RNF180: variants seen among roughly 807,000 people sequenced by gnomAD.
The protein encoded by RNF180 is E3 ubiquitin-protein ligase RNF180.
In RNF180, 38 loss-of-function variants were observed where a neutral mutation model predicts 59.2. That is an observed-to-expected ratio of 0.64 (90% CI 0.50 to 0.84). The LOEUF (loss-of-function observed/expected upper bound fraction) is 0.84. RNF180 is among the 40% of genes least tolerant of loss of function. RNF180 has a pLI of 0.00. For synonymous variants in RNF180, 262 were observed against 240.3 expected (o/e 1.09, Z -0.84); for missense variants, 705 against 700.9 (o/e 1.01, Z -0.07).
At chr5:64,194,930 T>A (rs1293132206) in intron 1 of RNF180, among the ~76,000 whole-genome samples, 1 of 152,158 alleles carries the variant, frequency 6.6e-6, no homozygotes, top group African/African-American at 2.4e-5. Context: ...AATGAACAGA[T>A]CACAAGTATA....
chr5:64,200,444 A>G (rs1751685536), intron 1 of RNF180, among the ~76,000 whole-genome samples: 1 of 152,180 alleles, frequency 6.6e-6, no homozygotes, highest in South Asian at 2.1e-4. Context: ...GACAAGAGTG[A>G]GACCCTGTCT....
intron 1 of RNF180, among the ~76,000 whole-genome samples, chr5:64,168,387 G>T (rs754398279): frequency 7.2e-5 from 11 of 152,196 alleles, no homozygotes; most frequent in Non-Finnish European, 1.6e-4. Context: ...GACAGACATT[G>T]TTAGAATTTG....
intron 5 of RNF180, among the ~76,000 whole-genome samples, chr5:64,283,259 C>T (rs1737299428): frequency 6.6e-6 from 1 of 152,016 alleles, no homozygotes; most frequent in South Asian, 2.1e-4. Flanking sequence ...AATGCCTTAT[C>T]TTTTTTGATT....
intron 5 of RNF180, among the ~76,000 whole-genome samples, chr5:64,315,464 G>A (rs186437503): frequency 3.9e-5 from 6 of 152,114 alleles, no homozygotes; most frequent in African/African-American, 2.4e-5. Flanking sequence ...GCTTTTACTC[G>A]GCCAGCATGG....
At position 64,182,673 on chromosome 5, in the gene RNF180, T is replaced by TA. The variant is rs1750665828; in HGVS notation, c.-1+16721dup. Among the ~76,000 whole-genome samples the TA allele has an allele frequency of 4.6e-5, 7 of 152,322 alleles. No individual in the cohort carries two copies. In the South Asian group the frequency reaches 1.5e-3, roughly 32 times the overall value. ...GTCTCCAGAGGCATTTACTGCCAGA[T>TA]AGTAGTAAGTTTATACGAGAATAAG... is the stretch of plus-strand genomic sequence containing the variant. On this transcript the variant is annotated intron_variant, in intron 1 of 7. Coordinates refer to ENST00000389100, the MANE Select transcript of RNF180 (RefSeq NM_001113561.2).
intron 5 of RNF180, among the ~76,000 whole-genome samples, chr5:64,322,714 A>G (rs1449514224): frequency 1.3e-5 from 2 of 151,922 alleles, no homozygotes; most frequent in African/African-American, 4.8e-5. Flanking sequence ...ACTAGAGACC[A>G]TTATTCTAAG....
At chr5:64,312,833 G>A (rs1561254363) in intron 5 of RNF180, among the ~76,000 whole-genome samples, 1 of 152,076 alleles carries the variant, frequency 6.6e-6, no homozygotes, top group Non-Finnish European at 1.5e-5. Context: ...GCCGTGTTCA[G>A]TGAAACCTTA....
intron 7 of RNF180, among the ~76,000 whole-genome samples, chr5:64,360,700 C>G (rs1041808412): frequency 1.3e-5 from 2 of 151,686 alleles, no homozygotes; most frequent in Non-Finnish European, 2.9e-5. Flanking sequence ...ACATTTTACC[C>G]TATTCGTAAG....
intron 7 of RNF180, among the ~76,000 whole-genome samples, chr5:64,340,938 C>A (rs754635632): frequency 2.0e-5 from 3 of 152,022 alleles, no homozygotes; most frequent in Non-Finnish European, 4.4e-5. Flanking sequence ...CCTTTACCTC[C>A]TTCCCTCTCC....
intron 7 of RNF180, among the ~76,000 whole-genome samples, chr5:64,335,061 T>C (rs576908215): frequency 6.6e-6 from 1 of 152,316 alleles, no homozygotes; most frequent in South Asian, 2.1e-4. Context: ...ATTTGATAGG[T>C]AGAAAATGAT....
intron 2 of RNF180, among the ~76,000 whole-genome samples, chr5:64,206,637 T>C (rs1183335223): frequency 1.3e-5 from 2 of 152,212 alleles, no homozygotes; most frequent in African/African-American, 4.8e-5. Flanking sequence ...ATGGACTGAA[T>C]TGTATGCCCT....
intron 1 of RNF180, among the ~76,000 whole-genome samples, chr5:64,179,383 T>C (rs542669775): frequency 6.6e-6 from 1 of 152,312 alleles, no homozygotes; most frequent in South Asian, 2.1e-4. Context: ...TCCTAGAGGT[T>C]ACTATTCTAA....
At chr5:64,340,613 T>C (rs909506862) in intron 7 of RNF180, among the ~76,000 whole-genome samples, 4 of 152,196 alleles carry the variant, frequency 2.6e-5, no homozygotes, top group Non-Finnish European at 5.9e-5. Flanking sequence ...GCTGTAGACA[T>C]GGGACTGCCT....
intron 5 of RNF180, among the ~76,000 whole-genome samples, chr5:64,242,161 C>T (rs377673619): frequency 6.6e-5 from 10 of 152,322 alleles, no homozygotes; most frequent in East Asian, 5.8e-4. Flanking sequence ...ACTGCCATGT[C>T]TGCCATATTG....
intron 5 of RNF180, among the ~76,000 whole-genome samples, chr5:64,247,601 C>A (rs1241769144): frequency 2.0e-5 from 3 of 152,070 alleles, no homozygotes; most frequent in Non-Finnish European, 4.4e-5. Flanking sequence ...TGCTCATGGA[C>A]ATAAGAGAGG....
chr5:64,218,769 A>G (rs1316664904), intron 5 of RNF180, among the ~76,000 whole-genome samples: 1 of 152,150 alleles, frequency 6.6e-6, no homozygotes, highest in East Asian at 1.9e-4. Flanking sequence ...CAGCATTCAG[A>G]ACCTGTGCAT....
At chr5:64,215,789 C>T (rs1004504945) in intron 4 of RNF180, among the ~76,000 whole-genome samples, 1 of 152,018 alleles carries the variant, frequency 6.6e-6, no homozygotes, top group African/African-American at 2.4e-5. Context: ...GCTCTAAAAT[C>T]TGTAGCAAAT....
chr5:64,331,505 A>G (rs1201560100), intron 7 of RNF180, among the ~76,000 whole-genome samples: 9 of 152,150 alleles, frequency 5.9e-5, no homozygotes, highest in Admixed American at 3.9e-4. Flanking sequence ...CTACCTGACA[A>G]TATGACCTGT....
Position 64,325,343 on chromosome 5 carries a change from A to G in RNF180, c.1385A>G (p.Lys462Arg), listed in dbSNP as rs1485783118. ...GAGCCCTGCTTACGGACTCTGGCCA[A>G]AGACAATCCTTCAAGCACTCCATGC... ...FCEPCLRTLA[K>R]DNPSSTPCPL... The change falls in exon 6 of 8, where the codon AAA becomes AGA. Residue 462 changes from lysine to arginine, a missense_variant. By Grantham distance (26) the Lys-to-Arg change is conservative (BLOSUM62 2). Coordinates refer to ENST00000389100, the MANE Select transcript of RNF180 (RefSeq NM_001113561.2). 2 of 1,551,714 alleles carry G rather than the reference A, an allele frequency of 1.3e-6. No individual in the cohort carries two copies. The highest frequency in any genetic ancestry group is 1.7e-6 in the Non-Finnish European group (2 of 1,146,970).
Sources: allele counts gnomAD v4.1 joint callset (sites outside exome capture counted in the v4.1 genomes callset), GRCh38; gene constraint gnomAD v4.1.1; transcripts MANE v1.5; gene names NCBI Gene and HGNC (gene_info 2026-07-23, HGNC 2026-07-21).